The following ZNF804B variants were observed in gnomAD, a reference collection of about 807,000 sequenced individuals.
ZNF804B encodes zinc finger 804B.
Under a neutral mutation model 101.4 loss-of-function variants are expected in ZNF804B, and 80 were observed. The ratio of observed to expected loss-of-function variants is 0.79; its 90% CI spans 0.66 to 0.95. ZNF804B has a LOEUF of 0.95. Ranked by LOEUF, ZNF804B falls within the 40% of genes least tolerant of loss-of-function variation. ZNF804B has a pLI of 0.00. For synonymous variants in ZNF804B, 622 were observed against 558.8 expected (o/e 1.11, Z -1.59); for missense variants, 1,673 against 1,561.9 (o/e 1.07, Z -1.20).
At chr7:89,091,890 G>A (rs368362770) in intron 1 of ZNF804B, among the ~76,000 whole-genome samples, 9 of 152,184 alleles carry the variant, frequency 5.9e-5, no homozygotes, top group East Asian at 1.9e-4. Context: ...GGCAGTAGCC[G>A]TGTAAGTTAA....
intron 2 of ZNF804B, among the ~76,000 whole-genome samples, chr7:89,269,170 C>T (rs2708620): frequency 2.6e-5 from 4 of 152,054 alleles, no homozygotes; most frequent in East Asian, 3.9e-4. Flanking sequence ...CCCATTAACT[C>T]GTCATTTACA....
intron 1 of ZNF804B, among the ~76,000 whole-genome samples, chr7:88,906,193 T>G (rs2115964763): frequency 6.6e-6 from 1 of 152,216 alleles, no homozygotes; most frequent in Middle Eastern, 3.4e-3. Context: ...CTATCAACCG[T>G]TTTTGTTCTT....
chr7:89,011,118 G>A (rs533012521), intron 1 of ZNF804B, among the ~76,000 whole-genome samples: 1 of 149,168 alleles, frequency 6.7e-6, no homozygotes, highest in South Asian at 2.2e-4. Context: ...TCACATGGTG[G>A]CAGGAGGGAG....
intron 1 of ZNF804B, among the ~76,000 whole-genome samples, chr7:88,994,373 T>C (rs992721260): frequency 2.6e-5 from 4 of 152,036 alleles, no homozygotes; most frequent in African/African-American, 9.7e-5. Flanking sequence ...ATGATGGATA[T>C]GCATTTATTT....
chr7:88,792,689 T>C (rs1224647165), intron 1 of ZNF804B, among the ~76,000 whole-genome samples: 1 of 152,122 alleles, frequency 6.6e-6, no homozygotes, highest in African/African-American at 2.4e-5. Context: ...TGTTTAATAT[T>C]AGGTGTTTTT....
intron 1 of ZNF804B, among the ~76,000 whole-genome samples, chr7:89,147,439 C>T (rs1022969522): frequency 6.6e-6 from 1 of 152,016 alleles, no homozygotes; most frequent in Non-Finnish European, 1.5e-5. Flanking sequence ...TATTACAGAT[C>T]AAGGTGTCAA....
At chr7:89,231,124 G>T (rs955571790) in intron 2 of ZNF804B, among the ~76,000 whole-genome samples, 4 of 151,814 alleles carry the variant, frequency 2.6e-5, no homozygotes, top group Non-Finnish European at 5.9e-5. Context: ...ATTAATTTTT[G>T]TGCATGATGT....
intron 1 of ZNF804B, 121 bp from the exon 2 acceptor site, chr7:89,218,034 T>A: frequency 2.1e-6 from 2 of 964,264 alleles, no homozygotes; most frequent in South Asian, 3.6e-5. Flanking sequence ...GTGTCATGAA[T>A]TCCCAGAAAA....
chr7:89,240,796 A>C (rs564263679), intron 2 of ZNF804B, among the ~76,000 whole-genome samples: 1 of 151,986 alleles, frequency 6.6e-6, no homozygotes, highest in African/African-American at 2.4e-5. Flanking sequence ...AAATTTTCCT[A>C]TTTCATTCTA....
chr7:89,236,161 A>G (rs189150881), intron 2 of ZNF804B, among the ~76,000 whole-genome samples: 173 of 152,238 alleles, frequency 1.1e-3, no homozygotes, highest in Non-Finnish European at 1.6e-3. Flanking sequence ...TTTAGCTCCT[A>G]CCATTTGCAA....
intron 1 of ZNF804B, among the ~76,000 whole-genome samples, chr7:88,766,553 G>A (rs186236805): frequency 1.7e-3 from 265 of 152,238 alleles, no homozygotes; most frequent in Admixed American, 3.5e-3. Flanking sequence ...TGGCTGGGAG[G>A]AAGAGACAAA....
At chr7:88,857,199 G>T (rs1791573772) in intron 1 of ZNF804B, among the ~76,000 whole-genome samples, 1 of 152,002 alleles carries the variant, frequency 6.6e-6, no homozygotes, top group Non-Finnish European at 1.5e-5. Flanking sequence ...ACAATTAAAA[G>T]AACTAGAGAA....
chr7:89,229,280 T>C (rs1050588501), intron 2 of ZNF804B, among the ~76,000 whole-genome samples: 1 of 152,212 alleles, frequency 6.6e-6, no homozygotes, highest in Non-Finnish European at 1.5e-5. Flanking sequence ...GCCAGCACGC[T>C]GTCACCTCTC....
intron 1 of ZNF804B, among the ~76,000 whole-genome samples, chr7:89,005,296 G>A (rs1788355688): frequency 6.6e-6 from 1 of 152,002 alleles, no homozygotes; most frequent in Admixed American, 6.6e-5. Context: ...AAGCCTTGGA[G>A]GCTTTTTAGG....
chr7:89,022,492 A>G (rs1382068615), intron 1 of ZNF804B, among the ~76,000 whole-genome samples: 3 of 152,080 alleles, frequency 2.0e-5, no homozygotes, highest in Non-Finnish European at 2.9e-5. Flanking sequence ...TTCAATTACT[A>G]TATATTTTTC....
intron 1 of ZNF804B, among the ~76,000 whole-genome samples, chr7:89,009,748 A>G (rs1788426269): frequency 1.3e-5 from 2 of 152,208 alleles, no homozygotes; most frequent in Non-Finnish European, 2.9e-5. Flanking sequence ...ATCAAACACC[A>G]AATCTACTGG....
chr7:89,112,858 T>TCAAA (rs1790242122), intron 1 of ZNF804B, among the ~76,000 whole-genome samples: 1 of 152,134 alleles, frequency 6.6e-6, no homozygotes, highest in South Asian at 2.1e-4. Context: ...GAGGTACAGA[T>TCAAA]TTTGAAGTGA....
At chr7:88,821,938 T>C (rs1583958375) in intron 1 of ZNF804B, among the ~76,000 whole-genome samples, 1 of 152,162 alleles carries the variant, frequency 6.6e-6, no homozygotes, top group Non-Finnish European at 1.5e-5. Flanking sequence ...TGGAGCACCA[T>C]TGGCTTTTGG....
intron 1 of ZNF804B, among the ~76,000 whole-genome samples, chr7:89,055,774 C>A (rs7788910): frequency 3.3e-5 from 5 of 151,774 alleles, no homozygotes; most frequent in African/African-American, 7.3e-5. Flanking sequence ...AGGTTTGCTG[C>A]AAAAAATCAA....
Sources: allele counts gnomAD v4.1 joint callset (sites outside exome capture counted in the v4.1 genomes callset), GRCh38; gene constraint gnomAD v4.1.1; transcripts MANE v1.5; gene names NCBI Gene and HGNC (gene_info 2026-07-23, HGNC 2026-07-21).